Variants in STXBP4 observed in about 807,000 individuals in gnomAD.
The protein encoded by STXBP4 is syntaxin binding protein 4, also known as syntaxin-binding protein 4.
Under a neutral mutation model 76.1 loss-of-function variants are expected in STXBP4, and 55 were observed. The ratio of observed to expected loss-of-function variants is 0.72; its 90% CI spans 0.58 to 0.91. The LOEUF (loss-of-function observed/expected upper bound fraction) is 0.91. STXBP4 is among the 40% of genes least tolerant of loss of function. STXBP4 has a pLI of 0.00. For missense variants in STXBP4, 618 were observed against 636.9 expected (o/e 0.97, Z 0.32); for synonymous variants, 201 against 220.2 (o/e 0.91, Z 0.77).
intron 1 of STXBP4, among the ~76,000 whole-genome samples, chr17:54,982,261 T>A (rs2077560910): frequency 6.6e-6 from 1 of 152,178 alleles, no homozygotes; most frequent in Admixed American, 6.5e-5. Context: ...AATTACTAAG[T>A]CTTACTCAAA....
chr17:55,058,323 A>G (rs1260562700), intron 12 of STXBP4, among the ~76,000 whole-genome samples: 2 of 151,966 alleles, frequency 1.3e-5, no homozygotes, highest in African/African-American at 2.4e-5. Flanking sequence ...AGCTTTTTTC[A>G]TATGTTTCTT....
intron 16 of STXBP4, among the ~76,000 whole-genome samples, chr17:55,137,151 A>G (rs1041500140): frequency 6.6e-6 from 1 of 152,114 alleles, no homozygotes; most frequent in African/African-American, 2.4e-5. Context: ...AGAACATTAC[A>G]TATGGATTCA....
the STXBP4 span, among the ~76,000 whole-genome samples, chr17:55,197,601 G>A: frequency 1.3e-5 from 2 of 152,164 alleles, no homozygotes; most frequent in African/African-American, 2.4e-5. Context: ...AAATCAGCCA[G>A]GCGTGGTGGC....
In STXBP4 at chr17:54,986,232, A is replaced by G. The variant is rs775803555; in HGVS notation, c.13A>G (p.Thr5Ala). 1.2e-5 allele frequency: 20 copies of G among 1,603,612 alleles called. No individual in the cohort carries two copies. The highest frequency in any genetic ancestry group is 1.4e-5 in the Non-Finnish European group (16 of 1,175,362). MNKN[T>A]STVVSPSLLE... ...CTTTGGTGAAAGCATGAATAAAAAT[A>G]CATCTACTGTAGTATCACCCAGTCT... Residue 5 changes from threonine to alanine, a missense_variant, in exon 3 of 18, where the codon ACA (threonine) becomes GCA (alanine). Coordinates refer to ENST00000376352, the MANE Select transcript of STXBP4 (RefSeq NM_178509.6).
the STXBP4 span, among the ~76,000 whole-genome samples, chr17:55,211,611 A>C: frequency 2.0e-5 from 3 of 151,940 alleles, no homozygotes; most frequent in South Asian, 6.2e-4. Context: ...TGGGTAATTT[A>C]TTTTGATATC....
At chr17:55,083,308 C>T (rs1037225891) in intron 16 of STXBP4, among the ~76,000 whole-genome samples, 1 of 151,994 alleles carries the variant, frequency 6.6e-6, no homozygotes, top group Admixed American at 6.6e-5. Flanking sequence ...TTTTACATCT[C>T]CTTTTTCACT....
intron 16 of STXBP4, among the ~76,000 whole-genome samples, chr17:55,131,113 GT>G (rs1332044299): frequency 6.6e-6 from 1 of 152,192 alleles, no homozygotes; most frequent in Non-Finnish European, 1.5e-5. Context: ...CAAAATGGAT[GT>G]ACTAATTTAC....
In STXBP4 at chr17:55,159,696, G is replaced by A; in HGVS notation, c.1548-101G>A. 3 of 669,488 alleles carry A rather than the reference G, an allele frequency of 4.5e-6. No individual in the cohort carries two copies. The South Asian group carries it at 6.1e-5, about 14-fold the overall frequency. 41.5% of individuals were successfully genotyped at this position (669,488 alleles called of 1,614,324 possible). A position where few individuals can be genotyped will look rare whatever the true frequency, so the allele number is the denominator to read the frequency against. Reference sequence around the variant, plus strand: ...AGTTCTAACTGCTTCCTATCACAGGGACTTTACTAGGGTAGAAGCAATGTC... The same window carrying A: ...AGTTCTAACTGCTTCCTATCACAGGAACTTTACTAGGGTAGAAGCAATGTC... On this transcript the variant is annotated intron_variant, in intron 17 of 17. Transcript: ENST00000376352.
chr17:55,075,105 A>G (rs181391422), intron 13 of STXBP4, among the ~76,000 whole-genome samples: 79 of 152,038 alleles, frequency 5.2e-4, no homozygotes, highest in Non-Finnish European at 1.0e-3. Context: ...CATTACTAGT[A>G]CCTTTGAAGA....
At chr17:54,997,881 C>A (rs1363634357) in intron 4 of STXBP4, among the ~76,000 whole-genome samples, 2 of 151,004 alleles carry the variant, frequency 1.3e-5, no homozygotes, top group Non-Finnish European at 2.9e-5. Flanking sequence ...AGCCACCGTG[C>A]CTGGCTTATA....
At chr17:55,103,918 GCT>G (rs1346189042) in intron 16 of STXBP4, among the ~76,000 whole-genome samples, 2 of 152,084 alleles carry the variant, frequency 1.3e-5, no homozygotes, top group African/African-American at 4.8e-5. Context: ...TTACGTTGCA[GCT>G]CTCTGTTTGT....
intron 2 of STXBP4, 33 bp from the exon 3 acceptor site, chr17:54,986,109 C>A: frequency 1.1e-6 from 1 of 918,620 alleles, no homozygotes; most frequent in South Asian, 1.5e-5. Context: ...GTTCTAAGAC[C>A]TGACAATTTA....
At chr17:55,003,894 A>G (rs2077960100) in intron 7 of STXBP4, among the ~76,000 whole-genome samples, 1 of 152,140 alleles carries the variant, frequency 6.6e-6, no homozygotes. Context: ...TGTTGCAGCC[A>G]GGTGCGGTGG....
chr17:55,058,175 C>T (rs2541248), intron 12 of STXBP4, among the ~76,000 whole-genome samples: 45,360 of 151,984 alleles, frequency 0.3, 7,059 homozygotes, highest in African/African-American at 0.35. Context: ...CCACCAACAG[C>T]GTAAAAGCAT....
intron 7 of STXBP4, among the ~76,000 whole-genome samples, chr17:55,002,066 T>C (rs2077930064): frequency 6.6e-6 from 1 of 152,194 alleles, no homozygotes; most frequent in Non-Finnish European, 1.5e-5. Context: ...CTTAGATTTA[T>C]TGACCAACTT....
At chr17:55,031,996 A>T (rs1020899747) in intron 9 of STXBP4, among the ~76,000 whole-genome samples, 2 of 152,174 alleles carry the variant, frequency 1.3e-5, no homozygotes, top group African/African-American at 4.8e-5. Flanking sequence ...TCAGTAGCTG[A>T]TATTACAAAT....
chr17:55,137,796 AG>A (rs1431424367), intron 16 of STXBP4, among the ~76,000 whole-genome samples: 1 of 152,112 alleles, frequency 6.6e-6, no homozygotes, highest in African/African-American at 2.4e-5. Flanking sequence ...AATTTTAGAT[AG>A]GTATTTACAA....
chr17:55,201,124 C>A, the STXBP4 span, among the ~76,000 whole-genome samples: 13 of 152,332 alleles, frequency 8.5e-5, no homozygotes, highest in East Asian at 2.3e-3. Context: ...ACAAGCTCCA[C>A]TGTTAACTCT....
At chr17:55,020,331 G>C (rs997350942) in intron 8 of STXBP4, among the ~76,000 whole-genome samples, 7 of 152,002 alleles carry the variant, frequency 4.6e-5, no homozygotes, top group Non-Finnish European at 1.0e-4. Context: ...TGTCTACCTA[G>C]TATTGTTATA....
Sources: gnomAD v4.1 joint callset for allele counts (sites outside exome capture counted in the v4.1 genomes callset) on GRCh38, gnomAD v4.1.1 for gene constraint, MANE v1.5 for transcripts, NCBI Gene and HGNC (gene_info 2026-07-23, HGNC 2026-07-21) for gene names.